The following VPS37A variants were observed in gnomAD, a reference collection of about 807,000 sequenced individuals.
The protein encoded by VPS37A is VPS37A subunit of ESCRT-I, also known as vacuolar protein sorting-associated protein 37A.
VPS37A carries 30 observed loss-of-function variants against 49.8 expected under a neutral mutation model. That is an observed-to-expected ratio of 0.60 (90% confidence interval 0.45 to 0.82). The LOEUF is 0.82. VPS37A is among the 40% of genes least tolerant of loss of function. VPS37A has a pLI of 0.00. For synonymous variants in VPS37A, 195 were observed against 160.6 expected, an observed-to-expected ratio of 1.21 and a Z score of -1.62; for missense variants, 593 against 464.4, an observed-to-expected ratio of 1.28 and a Z score of -2.55.
chr8:17,281,182 C>T (rs1815023481), intron 9 of VPS37A, among the ~76,000 whole-genome samples: 1 of 151,982 alleles, frequency 6.6e-6, no homozygotes, highest in African/African-American at 2.4e-5. Context: ...ATATGTCTTG[C>T]ACCGCATGAA....
the VPS37A span, among the ~76,000 whole-genome samples, chr8:17,316,436 T>TGA: frequency 2.5e-4 from 37 of 149,476 alleles, no homozygotes; most frequent in African/African-American, 9.2e-4. Context: ...AGTTGTTCCC[T>TGA]CCTTTTCAAT....
downstream of VPS37A, chr8:17,304,368 G>A: frequency 6.2e-7 from 1 of 1,608,808 alleles, no homozygotes; most frequent in Non-Finnish European, 8.5e-7. Flanking sequence ...AGTTACCAAG[G>A]ATTTACATAC....
At chr8:17,256,722 G>A (rs186291579) in intron 1 of VPS37A, among the ~76,000 whole-genome samples, 8 of 151,256 alleles carry the variant, frequency 5.3e-5, no homozygotes, top group South Asian at 2.1e-4. Flanking sequence ...GCACTGTCTC[G>A]GCTCACCACA....
chr8:17,319,553 C>T, the VPS37A span, among the ~76,000 whole-genome samples: 5 of 152,094 alleles, frequency 3.3e-5, no homozygotes, highest in Non-Finnish European at 5.9e-5. Context: ...GTGGGTTTTA[C>T]CAGAAATAAT....
intron 6 of VPS37A, chr8:17,279,613 C>A: frequency 6.9e-6 from 2 of 288,670 alleles, no homozygotes; most frequent in Non-Finnish European, 1.4e-5. Flanking sequence ...GAAAAAAATA[C>A]TTAACTATAT....
At chr8:17,299,576 C>T (rs1253864974), downstream of VPS37A, 3 of 365,164 alleles carry the variant, frequency 8.2e-6, no homozygotes, top group Non-Finnish European at 1.5e-5. Flanking sequence ...CTGATCACTT[C>T]AGGTAATGAC....
At chr8:17,325,785 C>A in the VPS37A span, among the ~76,000 whole-genome samples, 157 of 152,288 alleles carry the variant, frequency 1.0e-3, no homozygotes, top group Middle Eastern at 3.4e-3. Flanking sequence ...TGTGCTCTTA[C>A]TTCATGTCTT....
At chr8:17,302,367 C>CTTAGA, downstream of VPS37A, 1 of 1,419,234 alleles carries the variant, frequency 7.0e-7, no homozygotes, top group South Asian at 1.4e-5. Context: ...TCTATGATAC[C>CTTAGA]ACAGTCTTAA....
chr8:17,274,453 A>C (rs946922770), intron 4 of VPS37A, among the ~76,000 whole-genome samples: 4 of 151,908 alleles, frequency 2.6e-5, no homozygotes, highest in Admixed American at 2.0e-4. Flanking sequence ...CTGTCTATCC[A>C]CTTCTACTCC....
chr8:17,282,426 G>A (rs905908800), intron 9 of VPS37A, among the ~76,000 whole-genome samples: 6 of 151,912 alleles, frequency 3.9e-5, no homozygotes, highest in Non-Finnish European at 8.8e-5. Context: ...TTAAGATTAT[G>A]GTGGGAAAAG....
At chr8:17,318,176 G>T in the VPS37A span, among the ~76,000 whole-genome samples, 1 of 152,130 alleles carries the variant, frequency 6.6e-6, no homozygotes, top group Non-Finnish European at 1.5e-5. Context: ...CCTGGGCCTA[G>T]TCTCACACAT....
Position 17,247,018 on chromosome 8 carries a change from T to C in VPS37A, c.-227T>C. On this transcript the variant is annotated 5_prime_UTR_variant, in exon 1 of 12. Transcript: ENST00000324849. Reference sequence around the variant, plus strand: ...GCGTCTGGGCCGTGAAGGTGGGACCTCCTGTTCCGGGCCGCAAGTTTCCCT... The same window carrying C: ...GCGTCTGGGCCGTGAAGGTGGGACCCCCTGTTCCGGGCCGCAAGTTTCCCT... The C allele has an allele frequency of 1.7e-6, 1 of 594,238 alleles. No homozygotes were observed. The highest frequency in any genetic ancestry group is 2.9e-6 in the Non-Finnish European group (1 of 340,526). 36.8% of individuals were successfully genotyped at this position (594,238 alleles called of 1,614,324 possible). A position where few individuals can be genotyped will look rare whatever the true frequency, so the allele number is the denominator to read the frequency against.
At chr8:17,259,844 A>G (rs1052862536) in intron 1 of VPS37A, among the ~76,000 whole-genome samples, 1 of 151,986 alleles carries the variant, frequency 6.6e-6, no homozygotes, top group African/African-American at 2.4e-5. Flanking sequence ...TTCTTTTTAT[A>G]GTCTTTGATT....
At chr8:17,265,630 T>C in intron 1 of VPS37A, 1 of 586,156 alleles carries the variant, frequency 1.7e-6, no homozygotes, top group Admixed American at 2.8e-5. Context: ...GATAGAGTGA[T>C]AGTAAAACAG....
At chr8:17,322,566 T>C in the VPS37A span, among the ~76,000 whole-genome samples, 1 of 152,164 alleles carries the variant, frequency 6.6e-6, no homozygotes, top group Non-Finnish European at 1.5e-5. Context: ...ATGCCTGTAA[T>C]CCCAGAACTT....
At chr8:17,306,304 CG>C (rs1180709140), downstream of VPS37A, among the ~76,000 whole-genome samples, 1 of 151,684 alleles carries the variant, frequency 6.6e-6, no homozygotes, top group Non-Finnish European at 1.5e-5. Flanking sequence ...ACTTTATGAG[CG>C]GGTGAGAAGA....
chr8:17,284,112 A>C (rs924309714), intron 9 of VPS37A, among the ~76,000 whole-genome samples: 1 of 152,202 alleles, frequency 6.6e-6, no homozygotes, highest in African/African-American at 2.4e-5. Context: ...CCCACACTCA[A>C]TGGTGGGATT....
Position 17,276,430 on chromosome 8 carries a change from G to C in VPS37A, c.676G>C (p.Asp226His), listed in dbSNP as rs1563269515. The change falls in exon 6 of 12, where the codon GAT (aspartate) becomes CAT (histidine). Residue 226 changes from aspartate to histidine, a missense_variant. By Grantham distance (81) the Asp-to-His change is moderately conservative (BLOSUM62 -1). Coordinates refer to ENST00000324849, the MANE Select transcript of VPS37A (RefSeq NM_152415.3). ...AAATGGTTTTGGGTACAAGATGCCA[G>C]ATGTCCCTGATGCATTTCCAGAACT... ...SQNGFGYKMPDVPDAFPELSE... is the reference protein window; with the variant it reads ...SQNGFGYKMPHVPDAFPELSE... 4 of 1,612,648 alleles carry C rather than the reference G, an allele frequency of 2.5e-6. No individual in the cohort carries two copies. Among genetic ancestry groups the C allele is most frequent in the Middle Eastern group, 3.3e-4 (2 of 6,038 alleles).
At chr8:17,298,429 A>T (rs1816882703), downstream of VPS37A, 1 of 152,240 alleles carries the variant, frequency 6.6e-6, no homozygotes, top group Non-Finnish European at 1.5e-5. Flanking sequence ...ACACAATTAA[A>T]TGTTTTCATT....
Sources: gnomAD v4.1 joint callset for allele counts (sites outside exome capture counted in the v4.1 genomes callset) on GRCh38, gnomAD v4.1.1 for gene constraint, MANE v1.5 for transcripts, NCBI Gene and HGNC (gene_info 2026-07-23, HGNC 2026-07-21) for gene names.